Variants in JPH3 observed in about 807,000 individuals in gnomAD.
JPH3 encodes the protein junctophilin-3.
Under a neutral mutation model 59.6 loss-of-function variants are expected in JPH3, and 11 were observed. The ratio of observed to expected loss-of-function variants is 0.18; its 90% CI spans 0.12 to 0.31. The LOEUF is 0.31. Among genes scored for constraint, JPH3 ranks in the 10% least tolerant of loss-of-function variants. The pLI, the probability that JPH3 is intolerant of heterozygous loss-of-function variation, is 1.00. For synonymous variants in JPH3, 673 were observed against 483.6 expected (o/e 1.39, Z -5.14); for missense variants, 1,202 against 1,105.7 (o/e 1.09, Z -1.24).
intron 1 of JPH3, among the ~76,000 whole-genome samples, chr16:87,632,595 A>C (rs1270633391): frequency 6.6e-6 from 1 of 152,160 alleles, no homozygotes; most frequent in East Asian, 1.9e-4. Flanking sequence ...AAACACACTA[A>C]TTTCAACAAA....
intron 1 of JPH3, among the ~76,000 whole-genome samples, chr16:87,628,107 GT>G (rs1322795616): frequency 6.6e-6 from 1 of 152,220 alleles, no homozygotes; most frequent in Non-Finnish European, 1.5e-5. Flanking sequence ...GGAAGCTGGG[GT>G]TAAGGGCAAG....
intron 4 of JPH3, among the ~76,000 whole-genome samples, chr16:87,691,091 C>T (rs555041195): frequency 6.7e-6 from 1 of 149,936 alleles, no homozygotes; most frequent in African/African-American, 2.5e-5. Context: ...CCAGCACCCC[C>T]CCCCCAAATT....
chr16:87,690,379 C>A lies in JPH3; in HGVS notation c.2019C>A (p.Pro673=). 1 of 1,531,670 alleles carries A rather than the reference C, an allele frequency of 6.5e-7. No individual in the cohort carries two copies. The highest frequency in any genetic ancestry group is 2.4e-5 in the East Asian group (1 of 42,408). The allele number at this position is 1,531,670 out of a possible 1,614,324, so 94.9% of individuals were successfully genotyped here. A position where few individuals can be genotyped will look rare whatever the true frequency, so the allele number is the denominator to read the frequency against. The change falls in exon 4 of 5, where the codon CCC becomes CCA. Residue 673 remains proline, a synonymous_variant. Coordinates refer to ENST00000284262, the MANE Select transcript of JPH3 (RefSeq NM_020655.4). Reference sequence around the variant, plus strand: ...TCAGGCCGGCCTCCTCCGCGGAGCCCGCCGTGCAGAAACTGGCGAGCCTGC... The same window carrying A: ...TCAGGCCGGCCTCCTCCGCGGAGCCAGCCGTGCAGAAACTGGCGAGCCTGC... The part of the protein sequence containing the change: ...ENFRPASSAE[P]AVQKLASLRL...
At chr16:87,650,534 A>G (rs1024994958) in intron 2 of JPH3, among the ~76,000 whole-genome samples, 1 of 152,250 alleles carries the variant, frequency 6.6e-6, no homozygotes, top group Non-Finnish European at 1.5e-5. Context: ...GTAGAGAGGA[A>G]GGTGTGTCAA....
At chr16:87,677,888 G>T (rs564375282) in intron 2 of JPH3, among the ~76,000 whole-genome samples, 14 of 152,228 alleles carry the variant, frequency 9.2e-5, no homozygotes, top group Non-Finnish European at 2.1e-4. Flanking sequence ...GGGGATTGAG[G>T]TCAGGACTGT....
chr16:87,663,866 C>T (rs914240508), intron 2 of JPH3, among the ~76,000 whole-genome samples: 5 of 150,164 alleles, frequency 3.3e-5, no homozygotes, highest in Admixed American at 6.6e-5. Flanking sequence ...TTTGAGTGCC[C>T]TTTCCCTAAC....
intron 2 of JPH3, among the ~76,000 whole-genome samples, chr16:87,666,207 G>C (rs1312366622): frequency 6.6e-6 from 1 of 151,324 alleles, no homozygotes; most frequent in Non-Finnish European, 1.5e-5. Flanking sequence ...TCCTGCCTCA[G>C]GCTCCCAAGT....
chr16:87,656,831 G>A lies in JPH3; in HGVS notation c.1160+11796G>A, dbSNP rs571430804. ...GGTGGCAGAAATGCATTTTCTCCCCGTTCTGAAAACTGGACAGTCCAAATG... is the reference window on the plus strand; with the variant it reads ...GGTGGCAGAAATGCATTTTCTCCCCATTCTGAAAACTGGACAGTCCAAATG... On this transcript the variant is annotated intron_variant, in intron 2 of 4. Transcript: ENST00000284262. Among the ~76,000 whole-genome samples, 4 of 152,252 alleles carry A rather than the reference G, an allele frequency of 2.6e-5. No individual in the cohort carries two copies. In the East Asian group the frequency reaches 5.8e-4, roughly 22 times the overall value.
chr16:87,678,135 GGTGGCTGAA>G (rs2033197139), intron 2 of JPH3, among the ~76,000 whole-genome samples: 1 of 152,142 alleles, frequency 6.6e-6, no homozygotes. Flanking sequence ...TGCCCACTTG[GGTGGCTGAA>G]GTGGAAGGAC....
chr16:87,657,858 C>T (rs932045204), intron 2 of JPH3, among the ~76,000 whole-genome samples: 2 of 152,182 alleles, frequency 1.3e-5, no homozygotes, highest in African/African-American at 2.4e-5. Flanking sequence ...AAATGTAGTC[C>T]TTAGTCTGGG....
At chr16:87,654,555 G>A (rs1406978360) in intron 2 of JPH3, 3 of 152,372 alleles carry the variant, frequency 2.0e-5, no homozygotes, top group Non-Finnish European at 4.4e-5. Flanking sequence ...CCTCATCTGA[G>A]CCTCAGGCAC....
Position 87,696,679 on chromosome 16 carries a change from A to G in JPH3, c.*19A>G. On this transcript the variant is annotated 3_prime_UTR_variant, in exon 5 of 5. Transcript: ENST00000284262. ...CATCTGATGAGATGTCGCGGTAGCA[A>G]AAATAGAGAAAGGGTAGAAAAAAGG... 2 of 1,591,846 alleles carry G rather than the reference A, an allele frequency of 1.3e-6. No homozygotes were observed. Among genetic ancestry groups the G allele is most frequent in the Non-Finnish European group, 1.7e-6 (2 of 1,160,504 alleles).
In JPH3 at chr16:87,684,104, C is replaced by A. The variant is rs576026598; in HGVS notation, c.1161-38C>A. The A allele has an allele frequency of 8.8e-5, 135 of 1,540,148 alleles. 3 individuals are homozygous for A. In the South Asian group the frequency reaches 1.4e-3, roughly 16 times the overall value. On this transcript the variant is annotated intron_variant, in intron 2 of 4. Coordinates refer to ENST00000284262, the MANE Select transcript of JPH3 (RefSeq NM_020655.4). ...CAACCCAGACCCCTGTCACCTGTGC[C>A]CCCTGCCCCCCCTCACGCTCCTCCC...
In JPH3 at chr16:87,645,352, C is replaced by G. The variant is rs563159286; in HGVS notation, c.1160+317C>G. ...AATATTGGTGAATAAAGAAGGTGGT[C>G]TGTTCCGTTAGTACAATGCATTGGA... On this transcript the variant is annotated intron_variant, in intron 2 of 4. Coordinates refer to ENST00000284262, the MANE Select transcript of JPH3 (RefSeq NM_020655.4). Among the ~76,000 whole-genome samples, 20 of 152,344 alleles carry G rather than the reference C, an allele frequency of 1.3e-4. No individual in the cohort carries two copies. In the South Asian group the frequency reaches 3.9e-3, roughly 30 times the overall value.
chr16:87,658,574 A>G (rs905917191), intron 2 of JPH3, among the ~76,000 whole-genome samples: 27 of 150,532 alleles, frequency 1.8e-4, no homozygotes, highest in South Asian at 1.1e-3. Flanking sequence ...CTGTTTCTCT[A>G]TCTCTTCACC....
rs140564500 is a variant in JPH3 at position 87,689,495 on chromosome 16, C to G, written c.1286-151C>G. ...CAGAGGGCTTTGGGAGCCACGGTCCCCACTCCCCTCCCTTGCCTGCAGCCT... is the reference window on the plus strand; with the variant it reads ...CAGAGGGCTTTGGGAGCCACGGTCCGCACTCCCCTCCCTTGCCTGCAGCCT... On this transcript the variant is annotated intron_variant, in intron 3 of 4. Transcript: ENST00000284262. The G allele has an allele frequency of 1.8e-3, 1,437 of 798,508 alleles. 15 individuals are homozygous for G. The African/African-American group carries it at 0.022, about 12-fold the overall frequency. 49.5% of individuals were successfully genotyped at this position (798,508 alleles called of 1,614,324 possible). A position where few individuals can be genotyped will look rare whatever the true frequency, so the allele number is the denominator to read the frequency against.
chr16:87,663,115 C>CTTTTTTTCTTTTT (rs2032757307), intron 2 of JPH3, among the ~76,000 whole-genome samples: 1 of 143,436 alleles, frequency 7.0e-6, no homozygotes, highest in Admixed American at 6.8e-5. Context: ...TAATTTCTTT[C>CTTTTTTTCTTTTT]TTTTTTTTTT....
chr16:87,669,148 C>G (rs919365008), intron 2 of JPH3, among the ~76,000 whole-genome samples: 2 of 152,214 alleles, frequency 1.3e-5, no homozygotes, highest in African/African-American at 4.8e-5. Flanking sequence ...CAGCAGTGTT[C>G]TCTGCAGGGG....
intron 1 of JPH3, among the ~76,000 whole-genome samples, chr16:87,628,527 T>C (rs573740057): frequency 1.3e-5 from 2 of 151,976 alleles, no homozygotes; most frequent in East Asian, 3.9e-4. Context: ...TCCTACAGAG[T>C]GTGGGTTTTG....
Sources: allele counts gnomAD v4.1 joint callset (sites outside exome capture counted in the v4.1 genomes callset), GRCh38; gene constraint gnomAD v4.1.1; transcripts MANE v1.5; gene names NCBI Gene and HGNC (gene_info 2026-07-23, HGNC 2026-07-21).